SULF1: variants seen among roughly 807,000 people sequenced by gnomAD.
SULF1 encodes the protein extracellular sulfatase Sulf-1.
A neutral mutation model predicts 110.5 loss-of-function variants in SULF1; 46 were observed. The observed-to-expected ratio is 0.42, with a 90% CI of 0.33 to 0.53. SULF1 has a LOEUF of 0.53. Among genes scored for constraint, SULF1 ranks in the 20% least tolerant of loss-of-function variants. The pLI, the probability that SULF1 is intolerant of heterozygous loss-of-function variation, is 0.12. For synonymous variants in SULF1, 371 were observed against 387.1 expected (o/e 0.96, Z 0.49); for missense variants, 941 against 1,094.2 (o/e 0.86, Z 1.98).
At chr8:69,581,055 A>C (rs1424680411) in intron 6 of SULF1, among the ~76,000 whole-genome samples, 1 of 152,226 alleles carries the variant, frequency 6.6e-6, no homozygotes, top group Non-Finnish European at 1.5e-5. Context: ...ATTAAACCAC[A>C]GTGTGCTTGG....
chr8:69,572,138 A>T (rs1805277306), intron 5 of SULF1, among the ~76,000 whole-genome samples: 1 of 152,194 alleles, frequency 6.6e-6, no homozygotes. Flanking sequence ...GAATCAAAAG[A>T]TGAGAGTGCA....
intron 3 of SULF1, among the ~76,000 whole-genome samples, chr8:69,524,152 G>T (rs1306029409): frequency 9.9e-6 from 1 of 100,594 alleles, no homozygotes; most frequent in Non-Finnish European, 1.9e-5. Context: ...AGCATGGAGG[G>T]AGGGAGAAAG....
At chr8:69,484,467 C>T (rs1297205974) in intron 1 of SULF1, among the ~76,000 whole-genome samples, 1 of 152,130 alleles carries the variant, frequency 6.6e-6, no homozygotes, top group African/African-American at 2.4e-5. Context: ...TGGCTCAATT[C>T]ACCAAATCTC....
At chr8:69,645,890 A>G (rs1402177629) in intron 22 of SULF1, among the ~76,000 whole-genome samples, 2 of 151,820 alleles carry the variant, frequency 1.3e-5, no homozygotes, top group African/African-American at 4.8e-5. Flanking sequence ...AAAAATAGTT[A>G]ATTATTTATA....
At chr8:69,499,289 A>C (rs1244720059) in intron 2 of SULF1, among the ~76,000 whole-genome samples, 1 of 152,228 alleles carries the variant, frequency 6.6e-6, no homozygotes, top group Non-Finnish European at 1.5e-5. Context: ...TAAAATTTCA[A>C]AATAAGTCTC....
chr8:69,638,806 A>G lies in SULF1; in HGVS notation c.2499A>G (p.Arg833=). ...NQLHVQLMEL[R]SCQGYKQCNP... is the part of the protein sequence containing the mutation. Reference sequence around the variant, plus strand: ...TACACGTACAACTAATGGAGCTCAGAAGCTGTCAAGGATATAAGCAGTGCA... The same window carrying G: ...TACACGTACAACTAATGGAGCTCAGGAGCTGTCAAGGATATAAGCAGTGCA... The change falls in exon 21 of 23, where the codon AGA becomes AGG. Residue 833 remains arginine (R), a synonymous_variant. Transcript: ENST00000402687. 1 of 1,614,164 alleles carries G rather than the reference A, an allele frequency of 6.2e-7. No individual in the cohort carries two copies. Among genetic ancestry groups the G allele is most frequent in the Non-Finnish European group, 8.5e-7 (1 of 1,180,016 alleles).
chr8:69,501,710 A>G (rs1343119997), intron 2 of SULF1, among the ~76,000 whole-genome samples, 164 bp from the exon 3 acceptor site: 1 of 152,254 alleles, frequency 6.6e-6, no homozygotes, highest in Non-Finnish European at 1.5e-5. Context: ...CAATGCTTCA[A>G]AGACTCTTGC....
upstream of SULF1, among the ~76,000 whole-genome samples, chr8:69,490,119 T>C (rs1020130653): frequency 6.7e-6 from 1 of 149,504 alleles, no homozygotes; most frequent in Non-Finnish European, 1.5e-5. Context: ...TTTTTTTTTT[T>C]TGAGATGGGG....
intron 3 of SULF1, among the ~76,000 whole-genome samples, chr8:69,527,084 T>C (rs1259586195): frequency 2.0e-5 from 3 of 152,182 alleles, no homozygotes; most frequent in Non-Finnish European, 2.9e-5. Context: ...GGTATCTTTT[T>C]CTTAAGCACT....
intron 3 of SULF1, among the ~76,000 whole-genome samples, chr8:69,554,966 G>C (rs1441694352): frequency 8.4e-6 from 1 of 119,222 alleles, no homozygotes; most frequent in Non-Finnish European, 1.6e-5. Context: ...GCGACAGGGC[G>C]AGATTCCATC....
At chr8:69,558,913 A>C (rs1545218) in intron 3 of SULF1, among the ~76,000 whole-genome samples, 30,163 of 152,030 alleles carry the variant, frequency 0.2, 3,102 homozygotes, top group African/African-American at 0.24. Flanking sequence ...TGTTAACCTA[A>C]ATGATATATT....
intron 3 of SULF1, among the ~76,000 whole-genome samples, chr8:69,557,103 G>T (rs1815167222): frequency 6.6e-6 from 1 of 152,202 alleles, no homozygotes. Flanking sequence ...ACATGATCTT[G>T]TTCCTTTTTA....
intron 2 of SULF1, among the ~76,000 whole-genome samples, chr8:69,500,041 C>A (rs903651152): frequency 2.6e-5 from 4 of 152,126 alleles, no homozygotes; most frequent in African/African-American, 9.7e-5. Flanking sequence ...CATGAGCCAC[C>A]TCACCTGGCC....
At chr8:69,467,845 T>C (rs1315975101) in intron 1 of SULF1, among the ~76,000 whole-genome samples, 1 of 152,206 alleles carries the variant, frequency 6.6e-6, no homozygotes, top group Non-Finnish European at 1.5e-5. Context: ...TTAATAGTCA[T>C]CTGGTGCCTG....
At chr8:69,639,496 A>C (rs1811301170) in intron 21 of SULF1, among the ~76,000 whole-genome samples, 1 of 152,218 alleles carries the variant, frequency 6.6e-6, no homozygotes, top group Non-Finnish European at 1.5e-5. Context: ...AGTTCTTTTC[A>C]GTGTCCGCCC....
At chr8:69,512,476 T>C (rs1042949639) in intron 3 of SULF1, among the ~76,000 whole-genome samples, 14 of 152,166 alleles carry the variant, frequency 9.2e-5, no homozygotes, top group Non-Finnish European at 2.1e-4. Flanking sequence ...AAAAAGACAA[T>C]GGAGAGACTC....
chr8:69,609,244 G>T (rs556517537), intron 13 of SULF1, among the ~76,000 whole-genome samples: 2 of 152,322 alleles, frequency 1.3e-5, no homozygotes, highest in African/African-American at 2.4e-5. Flanking sequence ...TACTCAGGAG[G>T]CTGAGGTGAG....
chr8:69,627,125 G>T (rs1810137585), intron 15 of SULF1, 85 bp from the exon 16 acceptor site: 2 of 1,019,878 alleles, frequency 2.0e-6, no homozygotes, highest in South Asian at 1.4e-5. Context: ...AGGATTTTGA[G>T]GATTAAAATT....
At chr8:69,640,109 G>A (rs1811346704) in intron 21 of SULF1, among the ~76,000 whole-genome samples, 1 of 140,584 alleles carries the variant, frequency 7.1e-6, no homozygotes, top group East Asian at 2.1e-4. Context: ...GAGAGAGAGA[G>A]AGGAAGGAAG....
Sources: allele counts gnomAD v4.1 joint callset (sites outside exome capture counted in the v4.1 genomes callset), GRCh38; gene constraint gnomAD v4.1.1; transcripts MANE v1.5; gene names NCBI Gene and HGNC (gene_info 2026-07-23, HGNC 2026-07-21).